Variants in ELMO1 observed in about 807,000 individuals in gnomAD.
The protein encoded by ELMO1 is engulfment and cell motility 1.
ELMO1 carries 26 observed loss-of-function variants against 98.9 expected under a neutral mutation model. The ratio of observed to expected loss-of-function variants is 0.26; its 90% confidence interval spans 0.19 to 0.36. The LOEUF (loss-of-function observed/expected upper bound fraction) is 0.36. Among genes scored for constraint, ELMO1 ranks in the 10% least tolerant of loss-of-function variants. The pLI, the probability that ELMO1 is intolerant of heterozygous loss-of-function variation, is 1.00. For synonymous variants in ELMO1, 346 were observed against 346.0 expected (o/e 1.00, Z 0.00); for missense variants, 627 against 935.2 (o/e 0.67, Z 4.30).
intron 15 of ELMO1, among the ~76,000 whole-genome samples, chr7:37,083,997 G>C (rs898959327): frequency 1.3e-5 from 2 of 152,198 alleles, no homozygotes; most frequent in Non-Finnish European, 2.9e-5. Context: ...AGCAAGCTGA[G>C]AGCTGTCTGG....
rs80110120 is a variant in ELMO1 at position 36,905,362 on chromosome 7, C to G, written c.1438-10345G>C. 2.8e-3 allele frequency among the ~76,000 whole-genome samples: 419 copies of G among 152,222 alleles called. 5 individuals carry two copies. The highest frequency in any genetic ancestry group is 9.4e-3 in the African/African-American group (392 of 41,534). ...CTCCTGGGGTGCTGCTTTCTTGCAC[C>G]TAAGTTCTGCCTGTCCTTGGTGGGG... On this transcript the variant is annotated intron_variant, in intron 16 of 21. Coordinates refer to ENST00000310758, the MANE Select transcript of ELMO1 (RefSeq NM_014800.11).
chr7:36,905,048 T>C (rs1178686311), intron 16 of ELMO1, among the ~76,000 whole-genome samples: 1 of 152,162 alleles, frequency 6.6e-6, no homozygotes, highest in Non-Finnish European at 1.5e-5. Flanking sequence ...CAGCTTTAAA[T>C]AAACATGTCA....
intron 2 of ELMO1, among the ~76,000 whole-genome samples, chr7:37,318,472 G>A (rs1011061387): frequency 6.6e-6 from 1 of 152,210 alleles, no homozygotes; most frequent in Non-Finnish European, 1.5e-5. Flanking sequence ...TTTAGACTTA[G>A]AGACTGAAGT....
intron 5 of ELMO1, among the ~76,000 whole-genome samples, chr7:37,264,882 A>AGAAGTTT: frequency 6.6e-6 from 1 of 152,310 alleles, no homozygotes; most frequent in South Asian, 2.1e-4. Flanking sequence ...CTTCTAGCAT[A>AGAAGTTT]ACTCTGGATC....
chr7:37,167,782 C>T (rs1403039981), intron 13 of ELMO1, among the ~76,000 whole-genome samples: 1 of 150,888 alleles, frequency 6.6e-6, no homozygotes, highest in African/African-American at 2.4e-5. Flanking sequence ...TTTTTTCCTT[C>T]ATTTCAACTT....
intron 14 of ELMO1, among the ~76,000 whole-genome samples, chr7:37,099,122 G>C (rs1784509474): frequency 6.6e-6 from 1 of 152,160 alleles, no homozygotes; most frequent in Non-Finnish European, 1.5e-5. Flanking sequence ...AATCAGCTTG[G>C]AGAAGTCCTG....
intron 16 of ELMO1, among the ~76,000 whole-genome samples, chr7:36,986,711 C>T (rs1236790294): frequency 6.6e-6 from 1 of 152,160 alleles, no homozygotes; most frequent in Non-Finnish European, 1.5e-5. Flanking sequence ...CTTCTCTTCA[C>T]ACACAGTTTT....
chr7:37,362,559 T>C lies in ELMO1; in HGVS notation c.-73-19796A>G, dbSNP rs150918053. 8.5e-5 allele frequency among the ~76,000 whole-genome samples: 13 copies of C among 152,280 alleles called. No homozygotes were observed. The East Asian group carries it at 2.5e-3, about 29-fold the overall frequency. On this transcript the variant is annotated intron_variant, in intron 1 of 21. Coordinates refer to ENST00000310758, the MANE Select transcript of ELMO1 (RefSeq NM_014800.11). ...CTCATCCAATCCCATAGATACATTT[T>C]AAATGTATATCCTGAACCCAAGCCA...
chr7:36,897,955 AG>A (rs1192381157), intron 16 of ELMO1, among the ~76,000 whole-genome samples: 1 of 152,232 alleles, frequency 6.6e-6, no homozygotes, highest in Non-Finnish European at 1.5e-5. Flanking sequence ...AGCACAGGAC[AG>A]AGGTTGGTGG....
intron 13 of ELMO1, among the ~76,000 whole-genome samples, chr7:37,144,519 T>C (rs1787861137): frequency 6.6e-6 from 1 of 152,224 alleles, no homozygotes; most frequent in South Asian, 2.1e-4. Context: ...TTTTTCCACC[T>C]GTCTTGAAAT....
chr7:37,391,268 CA>C (rs1197968162), intron 1 of ELMO1, among the ~76,000 whole-genome samples: 1 of 152,092 alleles, frequency 6.6e-6, no homozygotes, highest in Non-Finnish European at 1.5e-5. Context: ...AGGTGCCCAC[CA>C]ACATGTCCGG....
At chr7:37,136,869 A>G (rs1225331014) in intron 13 of ELMO1, among the ~76,000 whole-genome samples, 3 of 152,230 alleles carry the variant, frequency 2.0e-5, no homozygotes, top group Non-Finnish European at 4.4e-5. Context: ...GAAAACACAA[A>G]GTATTCAGGC....
intron 16 of ELMO1, among the ~76,000 whole-genome samples, chr7:36,914,029 T>C (rs917731130): frequency 1.3e-5 from 2 of 152,248 alleles, no homozygotes; most frequent in African/African-American, 4.8e-5. Flanking sequence ...CTTTGGAAAG[T>C]TGCTGGGGCT....
At chr7:36,973,610 C>T (rs1022796444) in intron 16 of ELMO1, among the ~76,000 whole-genome samples, 3 of 152,190 alleles carry the variant, frequency 2.0e-5, no homozygotes, top group East Asian at 3.9e-4. Flanking sequence ...CGCTCGCTCT[C>T]GGTGACTCCT....
rs115776305 is a variant in ELMO1, at chr7:36,934,929, T to C, written c.1438-39912A>G. 3.3e-3 allele frequency among the ~76,000 whole-genome samples: 501 copies of C among 152,284 alleles called. 6 individuals are homozygous for C. The highest frequency in any genetic ancestry group is 0.012 in the African/African-American group (488 of 41,562). ...GAGATGCCAGGGACACAGGAAAATT[T>C]TTCTTCCATCTGGGAGATTTGCTAT... On this transcript the variant is annotated intron_variant, in intron 16 of 21. Transcript: ENST00000310758.
intron 13 of ELMO1, among the ~76,000 whole-genome samples, chr7:37,176,933 A>G (rs1227369810): frequency 6.6e-6 from 1 of 152,230 alleles, no homozygotes; most frequent in Admixed American, 6.5e-5. Flanking sequence ...ACACAGCTCA[A>G]TGCCTAAGTA....
chr7:37,192,956 T>A (rs896783777), intron 13 of ELMO1, among the ~76,000 whole-genome samples: 12 of 133,640 alleles, frequency 9.0e-5, no homozygotes, highest in African/African-American at 2.2e-4. Context: ...TATATATTTT[T>A]TATATATATA....
rs142147363 is a variant in ELMO1 at position 36,862,796 on chromosome 7, G to A, written c.1906-1060C>T. Among the ~76,000 whole-genome samples the A allele has an allele frequency of 3.8e-4, 58 of 152,290 alleles. No individual in the cohort carries two copies. In the East Asian group the frequency reaches 8.9e-3, roughly 23 times the overall value. On this transcript the variant is annotated intron_variant, in intron 20 of 21. Coordinates refer to ENST00000310758, the MANE Select transcript of ELMO1 (RefSeq NM_014800.11). ...CCTCCTGTGATCTGTGAGCCACACT[G>A]CTCAGTAATTGCCCACAAAACATTC...
chr7:37,386,066 C>T (rs1802790816), intron 1 of ELMO1, among the ~76,000 whole-genome samples: 1 of 152,168 alleles, frequency 6.6e-6, no homozygotes, highest in Non-Finnish European at 1.5e-5. Flanking sequence ...AATGACTTCA[C>T]CTTTAAGGAA....
Sources: gnomAD v4.1 joint callset for allele counts (sites outside exome capture counted in the v4.1 genomes callset) on GRCh38, gnomAD v4.1.1 for gene constraint, MANE v1.5 for transcripts, NCBI Gene and HGNC (gene_info 2026-07-23, HGNC 2026-07-21) for gene names.